The following COPB1 variants were observed in gnomAD, a reference collection of about 807,000 sequenced individuals.
COPB1 encodes coatomer subunit beta.
A neutral mutation model predicts 108.7 loss-of-function variants in COPB1; 21 were observed. The ratio of observed to expected loss-of-function variants is 0.19; its 90% confidence interval spans 0.14 to 0.28. The LOEUF (loss-of-function observed/expected upper bound fraction) is 0.28. COPB1 is among the 10% of genes least tolerant of loss of function. COPB1 has a pLI of 1.00. For synonymous variants in COPB1, 378 were observed against 386.8 expected (o/e 0.98, Z 0.27); for missense variants, 919 against 1,141.3 (o/e 0.81, Z 2.81).
At chr11:14,471,162 GAA>G (rs1850394788) in intron 14 of COPB1, among the ~76,000 whole-genome samples, 1 of 152,114 alleles carries the variant, frequency 6.6e-6, no homozygotes, top group African/African-American at 2.4e-5. Flanking sequence ...TGCACTATAA[GAA>G]AAGTTAAAGC....
At position 14,474,564 on chromosome 11, in the gene COPB1, G is replaced by T. The variant is rs772536589; in HGVS notation, c.1668C>A (p.Ser556=). 1 of 1,614,018 alleles carries T rather than the reference G, an allele frequency of 6.2e-7. No homozygotes were observed. The highest frequency in any genetic ancestry group is 8.5e-7 in the Non-Finnish European group (1 of 1,179,950). ...LLDGDFFVAA[S]LATTLTKIAL... The stretch of plus-strand genomic sequence containing the variant: ...CAATCTTGGTCAGAGTTGTGGCAAG[G>T]GAGGCAGCAACAAAGAAATCTCCAT... Residue 556 remains serine (S), a synonymous_variant, in exon 14 of 22, where the codon TCC becomes TCA. Coordinates refer to ENST00000439561, the MANE Select transcript of COPB1 (RefSeq NM_001144061.2).
intron 10 of COPB1, among the ~76,000 whole-genome samples, chr11:14,480,477 T>C (rs1218524357): frequency 1.3e-5 from 2 of 152,194 alleles, no homozygotes; most frequent in Non-Finnish European, 2.9e-5. Flanking sequence ...GAATAATATA[T>C]ATACACAGCA....
Position 14,480,899 on chromosome 11 carries a change from T to C in COPB1, c.1072A>G (p.Ile358Val). Residue 358 changes from isoleucine to valine, a missense_variant, in exon 10 of 22, where the codon ATT (isoleucine) becomes GTT (valine). Transcript: ENST00000439561. The part of the protein sequence containing the change: ...VSSRNVEELV[I>V]VLKKEVIKTN... The stretch of plus-strand genomic sequence containing the variant: ...TTTATCACTTCCTTCTTCAGGACAA[T>C]AACCAGCTTATAGAATGAAGTAAAA... The C allele has an allele frequency of 6.2e-7, 1 of 1,613,878 alleles. No homozygotes were observed. Among genetic ancestry groups the C allele is most frequent in the Non-Finnish European group, 8.5e-7 (1 of 1,179,888 alleles).
rs929829777 is a variant in COPB1, at chr11:14,493,527, C to T, written c.491+115G>A. 1.6e-5 allele frequency: 13 copies of T among 833,218 alleles called. No homozygotes were observed. In the Admixed American group the frequency reaches 1.7e-4, roughly 11 times the overall value. The allele number at this position is 833,218 out of a possible 1,614,324, so 51.6% of individuals were successfully genotyped here. On this transcript the variant is annotated intron_variant, in intron 4 of 21. Coordinates refer to ENST00000439561, the MANE Select transcript of COPB1 (RefSeq NM_001144061.2). ...TCATAATAAAAAATACAGTGCTGGC[C>T]ATACAAAATATATCTTCAAGCTATA...
intron 3 of COPB1, 22 bp from the exon 4 acceptor site, chr11:14,493,833 G>A: frequency 6.6e-7 from 1 of 1,508,508 alleles, no homozygotes; most frequent in South Asian, 1.3e-5. Context: ...ATTAAAATAT[G>A]AAATGCTGAG....
chr11:14,479,773 T>C, intron 10 of COPB1, 59 bp from the exon 11 acceptor site: 4 of 1,418,026 alleles, frequency 2.8e-6, no homozygotes, highest in Non-Finnish European at 3.8e-6. Context: ...GAAAATTATC[T>C]AGGACAAGAA....
chr11:14,489,416 G>A (rs1011494543), intron 5 of COPB1, among the ~76,000 whole-genome samples: 6 of 152,204 alleles, frequency 3.9e-5, no homozygotes, highest in African/African-American at 1.4e-4. Flanking sequence ...AAACAGATAC[G>A]TGTACATCTA....
At chr11:14,484,042 C>T (rs1850715996) in intron 7 of COPB1, among the ~76,000 whole-genome samples, 1 of 151,852 alleles carries the variant, frequency 6.6e-6, no homozygotes, top group African/African-American at 2.4e-5. Flanking sequence ...GTAAGATACA[C>T]TAAGAAGGAC....
intron 7 of COPB1, among the ~76,000 whole-genome samples, chr11:14,484,283 C>T (rs1850721992): frequency 6.6e-6 from 1 of 152,156 alleles, no homozygotes. Context: ...AAAAAAAGGA[C>T]GTCAGTGGGA....
At chr11:14,491,914 C>G (rs1850913977) in intron 4 of COPB1, among the ~76,000 whole-genome samples, 1 of 152,170 alleles carries the variant, frequency 6.6e-6, no homozygotes, top group Non-Finnish European at 1.5e-5. Context: ...TATTTGCTTA[C>G]TGACTTGCCT....
chr11:14,488,658 C>T (rs996578139), intron 5 of COPB1, 74 bp from the exon 6 acceptor site: 8 of 852,936 alleles, frequency 9.4e-6, no homozygotes, highest in Non-Finnish European at 1.4e-5. Flanking sequence ...TTAAAAAATA[C>T]ACACATTACA....
intron 10 of COPB1, 54 bp from the exon 11 acceptor site, chr11:14,479,768 T>C (rs1490517384): frequency 6.9e-7 from 1 of 1,448,016 alleles, no homozygotes; most frequent in East Asian, 2.4e-5. Context: ...GAAAAGAAAA[T>C]TATCTAGGAC....
chr11:14,477,389 C>CAAA (rs61014253), intron 11 of COPB1, among the ~76,000 whole-genome samples: 28 of 73,262 alleles, frequency 3.8e-4, no homozygotes, highest in South Asian at 6.1e-4. Flanking sequence ...GACTCCGTCT[C>CAAA]AAAAAAAAAA....
chr11:14,489,011 T>C (rs1474116408), intron 5 of COPB1, among the ~76,000 whole-genome samples: 5 of 152,172 alleles, frequency 3.3e-5, no homozygotes, highest in Non-Finnish European at 7.4e-5. Flanking sequence ...AAAGTATCAA[T>C]AAATTTTATT....
At position 14,480,830 on chromosome 11, in the gene COPB1, G is replaced by A; in HGVS notation, c.1141C>T (p.Gln381Ter). The change falls in exon 10 of 22, where the codon CAA (glutamine) becomes TAA (stop). Residue 381 changes from glutamine to a stop codon, truncating the protein, a stop_gained. Transcript: ENST00000439561. LOFTEE classifies it high-confidence loss of function. ...SEHEDTDKYR[Q>*]LLVRTLHSCS... Reference sequence around the variant, plus strand: ...GAATGCAATGTTCGCACTAGGAGTTGTCTGTATTTGTCAGTATCTTCATGC... The same window carrying A: ...GAATGCAATGTTCGCACTAGGAGTTATCTGTATTTGTCAGTATCTTCATGC... 6.2e-7 allele frequency: 1 copy of A among 1,613,910 alleles called. No homozygotes were observed. The highest frequency in any genetic ancestry group is 8.5e-7 in the Non-Finnish European group (1 of 1,179,808).
In COPB1 at chr11:14,475,936, C is replaced by T. The variant is rs1463350580; in HGVS notation, c.1465G>A (p.Val489Ile). 1.3e-6 allele frequency: 2 copies of T among 1,598,408 alleles called. No homozygotes were observed. The highest frequency in any genetic ancestry group is 1.8e-5 in the Admixed American group (1 of 56,016). ...IRRSLGEIPI[V>I]ESEIKKEAGE... ...GCTTCTTTCTTTATTTCTGACTCTA[C>T]AATTGGGATCTAAAAGTCAATTGGA... The change falls in exon 13 of 22, where the codon GTA becomes ATA. Residue 489 changes from valine to isoleucine, a missense_variant. Val to Ile is a conservative substitution (Grantham distance 29). Coordinates refer to ENST00000439561, the MANE Select transcript of COPB1 (RefSeq NM_001144061.2).
rs979429266 is a variant in COPB1 at position 14,498,779 on chromosome 11, GT to G, written c.91+58del. ...AATTATAAAGGAATATGAAATATGAGTTTTTTATTTTTGTTTTTTCTTTTTT... is the reference window on the plus strand; with the variant it reads ...AATTATAAAGGAATATGAAATATGAGTTTTTATTTTTGTTTTTTCTTTTTT... On this transcript the variant is annotated intron_variant, in intron 2 of 21. Transcript: ENST00000439561. 13 of 1,372,924 alleles carry G rather than the reference GT, an allele frequency of 9.5e-6. No individual in the cohort carries two copies. In the Admixed American group the frequency reaches 1.1e-4, roughly 12 times the overall value. 85.0% of individuals were successfully genotyped at this position (1,372,924 alleles called of 1,614,324 possible).
At position 14,466,431 on chromosome 11, in the gene COPB1, C is replaced by A; in HGVS notation, c.2146-5G>T. ...GAAACCTGTCAATTGGGTGACCTGTCAAAACAAAAACAAAGACATAATCAA... is the reference window on the plus strand; with the variant it reads ...GAAACCTGTCAATTGGGTGACCTGTAAAAACAAAAACAAAGACATAATCAA... On this transcript the variant is annotated splice_region_variant and splice_polypyrimidine_tract_variant and intron_variant, in intron 16 of 21. Transcript: ENST00000439561. The A allele has an allele frequency of 6.2e-7, 1 of 1,606,708 alleles. No individual in the cohort carries two copies. The highest frequency in any genetic ancestry group is 1.1e-5 in the South Asian group (1 of 90,484).
At chr11:14,474,400 A>C in intron 14 of COPB1, 95 bp downstream of exon 14, 13 of 1,112,830 alleles carry the variant, frequency 1.2e-5, no homozygotes, top group Non-Finnish European at 1.6e-5. Flanking sequence ...TCATGACAGA[A>C]ACTTAGCATT....
Sources: allele counts gnomAD v4.1 joint callset (sites outside exome capture counted in the v4.1 genomes callset), GRCh38; gene constraint gnomAD v4.1.1; transcripts MANE v1.5; gene names NCBI Gene and HGNC (gene_info 2026-07-23, HGNC 2026-07-21).